Variants in MAML3 observed in about 807,000 individuals in gnomAD.
MAML3 encodes mastermind-like protein 3.
Under a neutral mutation model 101.9 loss-of-function variants are expected in MAML3, and 27 were observed. The observed-to-expected ratio is 0.27, with a 90% CI of 0.20 to 0.37. MAML3 has a LOEUF of 0.37. Ranked by LOEUF, MAML3 falls within the 10% of genes least tolerant of loss-of-function variation. MAML3 has a pLI of 1.00. For missense variants in MAML3, 1,316 were observed against 1,444.9 expected, an observed-to-expected ratio of 0.91 and a Z score of 1.45; for synonymous variants, 501 against 555.9, an observed-to-expected ratio of 0.90 and a Z score of 1.39.
intron 1 of MAML3, among the ~76,000 whole-genome samples, chr4:140,079,541 G>A (rs1427218972): frequency 1.3e-5 from 2 of 152,100 alleles, no homozygotes; most frequent in African/African-American, 2.4e-5. Context: ...TGATCTGCCC[G>A]CCTCAGCCTC....
chr4:140,101,378 A>T (rs1331663596), intron 1 of MAML3, among the ~76,000 whole-genome samples: 1 of 152,136 alleles, frequency 6.6e-6, no homozygotes, highest in Non-Finnish European at 1.5e-5. Context: ...AGTTGAAGGG[A>T]TGAGAAACTC....
Position 139,863,232 on chromosome 4 carries a change from G to A in MAML3, c.2079+26125C>T, listed in dbSNP as rs574489696. Reference sequence around the variant, plus strand: ...GGAGTTGATATATGTGAAATGCTTAGCATAATGTTTAACATTCAGGTGTTA... The same window carrying A: ...GGAGTTGATATATGTGAAATGCTTAACATAATGTTTAACATTCAGGTGTTA... On this transcript the variant is annotated intron_variant, in intron 2 of 4. Coordinates refer to ENST00000509479, the MANE Select transcript of MAML3 (RefSeq NM_018717.5). Among the ~76,000 whole-genome samples the A allele has an allele frequency of 3.3e-5, 5 of 151,552 alleles. No individual in the cohort carries two copies. In the South Asian group the frequency reaches 1.0e-3, roughly 32 times the overall value.
At chr4:140,071,375 A>G (rs1365894352) in intron 1 of MAML3, among the ~76,000 whole-genome samples, 10 of 152,210 alleles carry the variant, frequency 6.6e-5, no homozygotes. Context: ...CTGCAGCTCC[A>G]TGAAACCATC....
At chr4:139,763,236 T>C (rs1220047134) in intron 2 of MAML3, among the ~76,000 whole-genome samples, 1 of 152,210 alleles carries the variant, frequency 6.6e-6, no homozygotes, top group Non-Finnish European at 1.5e-5. Flanking sequence ...GGAAAGATTT[T>C]AACATTCTTT....
chr4:139,874,906 C>T (rs182544786), intron 2 of MAML3, among the ~76,000 whole-genome samples: 10 of 151,654 alleles, frequency 6.6e-5, no homozygotes, highest in Admixed American at 6.6e-4. Flanking sequence ...TGGGTTCACG[C>T]CATTCTCCTG....
chr4:139,994,273 C>G (rs1271692136), intron 1 of MAML3, among the ~76,000 whole-genome samples: 1 of 152,192 alleles, frequency 6.6e-6, no homozygotes, highest in Non-Finnish European at 1.5e-5. Flanking sequence ...ATAAGTCTTA[C>G]ACTTCTATTG....
intron 2 of MAML3, chr4:139,794,002 T>C (rs958883367): frequency 6.6e-6 from 1 of 152,230 alleles, no homozygotes; most frequent in Admixed American, 6.5e-5. Flanking sequence ...GAAGTTCTCA[T>C]GTACCTAAGG....
intron 1 of MAML3, among the ~76,000 whole-genome samples, chr4:140,115,854 T>G (rs1291275246): frequency 6.6e-6 from 1 of 152,164 alleles, no homozygotes; most frequent in Non-Finnish European, 1.5e-5. Context: ...GGTTTGAATA[T>G]AAAAAGTTTT....
At chr4:139,995,641 T>C (rs1452089978) in intron 1 of MAML3, among the ~76,000 whole-genome samples, 2 of 152,216 alleles carry the variant, frequency 1.3e-5, no homozygotes, top group Non-Finnish European at 2.9e-5. Context: ...AATACTACCA[T>C]ATAATTATTT....
intron 2 of MAML3, among the ~76,000 whole-genome samples, chr4:139,768,370 A>G (rs1204797014): frequency 1.3e-5 from 2 of 152,128 alleles, no homozygotes; most frequent in African/African-American, 2.4e-5. Flanking sequence ...GTCTTATGCC[A>G]CAAGTTTAAG....
At chr4:139,963,367 A>G (rs1396108808) in intron 1 of MAML3, among the ~76,000 whole-genome samples, 1 of 152,232 alleles carries the variant, frequency 6.6e-6, no homozygotes, top group Non-Finnish European at 1.5e-5. Context: ...TTGTGTTTGT[A>G]GAAAGCGTCT....
intron 1 of MAML3, among the ~76,000 whole-genome samples, chr4:140,014,751 A>C (rs1726616244): frequency 6.6e-6 from 1 of 152,174 alleles, no homozygotes; most frequent in Admixed American, 6.5e-5. Context: ...CCTTGCCTTG[A>C]AGATGTTTAA....
intron 1 of MAML3, among the ~76,000 whole-genome samples, chr4:140,032,233 T>G (rs1344890264): frequency 6.6e-6 from 1 of 152,206 alleles, no homozygotes; most frequent in Non-Finnish European, 1.5e-5. Context: ...CCCACTCATT[T>G]TCAAAGACAA....
intron 1 of MAML3, among the ~76,000 whole-genome samples, chr4:139,928,536 TG>T (rs1300953376): frequency 6.6e-6 from 1 of 152,206 alleles, no homozygotes; most frequent in Non-Finnish European, 1.5e-5. Flanking sequence ...GGAGAAGCTG[TG>T]GATCTGTAAG....
chr4:139,918,815 G>A (rs558335352), intron 1 of MAML3, among the ~76,000 whole-genome samples: 1 of 152,220 alleles, frequency 6.6e-6, no homozygotes, highest in Non-Finnish European at 1.5e-5. Context: ...GGAGCTGAGT[G>A]TGACCTCACT....
At position 139,730,589 on chromosome 4, in the gene MAML3, A is replaced by G. The variant is rs1728664352; in HGVS notation, c.2158T>C (p.Ser720Pro). The change falls in exon 3 of 5, where the codon TCA becomes CCA. Residue 720 changes from serine to proline, a missense_variant. Coordinates refer to ENST00000509479, the MANE Select transcript of MAML3 (RefSeq NM_018717.5). ...CCGGGGCCTGCGGGACTGGCTCCTGAGACCATGCCACCTGAGCCTGGGGGC... is the reference window on the plus strand; with the variant it reads ...CCGGGGCCTGCGGGACTGGCTCCTGGGACCATGCCACCTGAGCCTGGGGGC... ...SVPPGSGGMVSGASPAGPGFL... is the reference protein window; with the variant it reads ...SVPPGSGGMVPGASPAGPGFL... The G allele has an allele frequency of 6.2e-7, 1 of 1,609,572 alleles. No homozygotes were observed. The highest frequency in any genetic ancestry group is 8.5e-7 in the Non-Finnish European group (1 of 1,178,396).
Position 139,771,825 on chromosome 4 carries a change from T to C in MAML3, c.2080-41158A>G, listed in dbSNP as rs563508916. ...GGGGCCCATCCCAGATTTGGATCTC[T>C]GGGATGGGGCCCGAGTATCTTCAAT... On this transcript the variant is annotated intron_variant, in intron 2 of 4. Coordinates refer to ENST00000509479, the MANE Select transcript of MAML3 (RefSeq NM_018717.5). 2.0e-5 allele frequency among the ~76,000 whole-genome samples: 3 copies of C among 152,046 alleles called. No individual in the cohort carries two copies. The East Asian group carries it at 5.8e-4, about 30-fold the overall frequency.
chr4:139,973,212 C>CA (rs1185453032), intron 1 of MAML3, among the ~76,000 whole-genome samples: 1 of 152,162 alleles, frequency 6.6e-6, no homozygotes, highest in African/African-American at 2.4e-5. Context: ...GTCATAGGGC[C>CA]AGGCCGTGGG....
At chr4:140,035,751 C>T (rs141453163) in intron 1 of MAML3, among the ~76,000 whole-genome samples, 3,825 of 151,590 alleles carry the variant, frequency 0.025, 161 homozygotes, top group African/African-American at 0.085. Context: ...CCACTGCACT[C>T]CAGCCTGGGC....
Sources: allele counts gnomAD v4.1 joint callset (sites outside exome capture counted in the v4.1 genomes callset), GRCh38; gene constraint gnomAD v4.1.1; transcripts MANE v1.5; gene names NCBI Gene and HGNC (gene_info 2026-07-23, HGNC 2026-07-21).